The following STRN variants were observed in gnomAD, a reference collection of about 807,000 sequenced individuals.
STRN encodes striatin.
In STRN, 53 loss-of-function variants were observed where a neutral mutation model predicts 96.3. The ratio of observed to expected loss-of-function variants is 0.55; its 90% CI spans 0.44 to 0.69. The LOEUF is 0.69. Ranked by LOEUF, STRN falls within the 30% of genes least tolerant of loss-of-function variation. The pLI is 0.00. For missense variants in STRN, 987 were observed against 963.9 expected (o/e 1.02, Z -0.32); for synonymous variants, 428 against 355.9 (o/e 1.20, Z -2.28).
intron 1 of STRN, among the ~76,000 whole-genome samples, chr2:36,930,604 A>C (rs1285289002): frequency 3.3e-5 from 5 of 152,122 alleles, no homozygotes; most frequent in Non-Finnish European, 7.3e-5. Context: ...CCAGGTGATA[A>C]TGCTGCTGAT....
intron 1 of STRN, among the ~76,000 whole-genome samples, chr2:36,948,711 G>T (rs935651270): frequency 6.6e-6 from 1 of 152,050 alleles, no homozygotes; most frequent in Non-Finnish European, 1.5e-5. Context: ...TTTATAAGAA[G>T]CAAGTAAAAA....
rs772034121 is a variant in STRN at position 36,840,989 on chromosome 2, T to C, written c.*8467A>G. 2.0e-5 allele frequency: 3 copies of C among 152,174 alleles called. No individual in the cohort carries two copies. The highest frequency in any genetic ancestry group is 1.9e-4 in the East Asian group (1 of 5,190). The allele number at this position is 152,174 out of a possible 1,614,324, so 9.4% of individuals were successfully genotyped here. A position where few individuals can be genotyped will look rare whatever the true frequency, so the allele number is the denominator to read the frequency against. On this transcript the variant is annotated 3_prime_UTR_variant, in exon 18 of 18. Transcript: ENST00000263918. The stretch of plus-strand genomic sequence containing the variant: ...TGTATTTATTAGCAGAGGCAAGCTA[T>C]ACTATCAATTGGACACCTCAAGGGC...
At chr2:36,898,783 G>A (rs1380692599) in intron 6 of STRN, among the ~76,000 whole-genome samples, 1 of 152,098 alleles carries the variant, frequency 6.6e-6, no homozygotes, top group Admixed American at 6.5e-5. Context: ...ATAAATTAAT[G>A]TGAAAGAGAA....
chr2:36,893,908 T>G lies in STRN; in HGVS notation c.921A>C (p.Gly307=). 6.2e-7 allele frequency: 1 copy of G among 1,611,574 alleles called. No individual in the cohort carries two copies. The highest frequency in any genetic ancestry group is 8.5e-7 in the Non-Finnish European group (1 of 1,179,246). The change falls in exon 7 of 18, where the codon GGA becomes GGC. Residue 307 remains glycine, a synonymous_variant. Coordinates refer to ENST00000263918, the MANE Select transcript of STRN (RefSeq NM_003162.4). ...AGTATGCTTCCTTACCCCAGTCTGT[T>G]CCATCGCCTGCACTTCTAGATTCAT... The part of the protein sequence containing the change: ...GDNESRSAGD[G]TDWEKEDQCL...
chr2:36,897,281 A>G (rs1382228487), intron 6 of STRN, among the ~76,000 whole-genome samples: 1 of 152,160 alleles, frequency 6.6e-6, no homozygotes, highest in Non-Finnish European at 1.5e-5. Context: ...ATGCTTATTC[A>G]CTGCTACACA....
chr2:36,889,685 A>ACTC (rs1301289350), intron 7 of STRN, among the ~76,000 whole-genome samples: 1 of 152,022 alleles, frequency 6.6e-6, no homozygotes, highest in Non-Finnish European at 1.5e-5. Flanking sequence ...TTAAATGTTC[A>ACTC]CTCAATTAGA....
intron 5 of STRN, among the ~76,000 whole-genome samples, chr2:36,900,277 C>G (rs1042079363): frequency 1.3e-5 from 2 of 152,102 alleles, no homozygotes; most frequent in Non-Finnish European, 2.9e-5. Context: ...TAATGTATTT[C>G]ATTTTAAAAA....
At chr2:36,866,393 G>A (rs1256257394) in intron 12 of STRN, among the ~76,000 whole-genome samples, 3 of 152,182 alleles carry the variant, frequency 2.0e-5, no homozygotes, top group Non-Finnish European at 4.4e-5. Context: ...ACTGTGTTTG[G>A]TCTGAGAGTG....
At chr2:36,865,112 G>A (rs992128338) in intron 12 of STRN, among the ~76,000 whole-genome samples, 1 of 152,190 alleles carries the variant, frequency 6.6e-6, no homozygotes, top group Admixed American at 6.5e-5. Context: ...CTCAACCTGG[G>A]CTTTTTCTTG....
intron 2 of STRN, among the ~76,000 whole-genome samples, chr2:36,919,199 G>C (rs1421352500): frequency 6.6e-6 from 1 of 152,186 alleles, no homozygotes; most frequent in Non-Finnish European, 1.5e-5. Context: ...CCTACAGCTT[G>C]TAGTTAGGTA....
At chr2:36,859,678 T>C (rs563045637) in intron 13 of STRN, among the ~76,000 whole-genome samples, 29 of 152,318 alleles carry the variant, frequency 1.9e-4, no homozygotes, top group Non-Finnish European at 4.0e-4. Context: ...TCTGGGTCTT[T>C]ATAAATGTCA....
Position 36,966,520 on chromosome 2 carries a change from G to A in STRN, c.-57C>T, listed in dbSNP as rs1287712759. Reference sequence around the variant, plus strand: ...GCGCCCAGCAGCGGAGGCAACAGCGGCGGCAAGCAGCGCCTCCTCCTCCCT... The same window carrying A: ...GCGCCCAGCAGCGGAGGCAACAGCGACGGCAAGCAGCGCCTCCTCCTCCCT... On this transcript the variant is annotated 5_prime_UTR_variant, in exon 1 of 18. Coordinates refer to ENST00000263918, the MANE Select transcript of STRN (RefSeq NM_003162.4). 1.5e-5 allele frequency: 21 copies of A among 1,359,734 alleles called. No individual in the cohort carries two copies. The highest frequency in any genetic ancestry group is 5.7e-6 in the Non-Finnish European group (6 of 1,059,240). 84.2% of individuals were successfully genotyped at this position (1,359,734 alleles called of 1,614,324 possible).
chr2:36,932,226 C>G (rs998618880), intron 1 of STRN, among the ~76,000 whole-genome samples: 17 of 152,114 alleles, frequency 1.1e-4, no homozygotes, highest in Non-Finnish European at 2.2e-4. Flanking sequence ...GTGATCTCGG[C>G]TCACTGCAAC....
intron 16 of STRN, among the ~76,000 whole-genome samples, chr2:36,850,074 C>A (rs1192099669): frequency 1.3e-5 from 2 of 152,154 alleles, no homozygotes; most frequent in Non-Finnish European, 2.9e-5. Context: ...CCTTAAGCCA[C>A]GTTTGTTAAT....
At position 36,848,324 on chromosome 2, in the gene STRN, AC is replaced by A. The variant is rs1668132208; in HGVS notation, c.*1131del. 6.6e-6 allele frequency: 1 copy of A among 152,200 alleles called. No homozygotes were observed. Among genetic ancestry groups the A allele is most frequent in the African/African-American group, 2.4e-5 (1 of 41,460 alleles). The allele number at this position is 152,200 out of a possible 1,614,324, so 9.4% of individuals were successfully genotyped here. A position where few individuals can be genotyped will look rare whatever the true frequency, so the allele number is the denominator to read the frequency against. ...AGATTCTTACAGGGATTAATAGAGGACTTCTAGGGTACAAAATATTTGTTTT... is the reference window on the plus strand; with the variant it reads ...AGATTCTTACAGGGATTAATAGAGGATTCTAGGGTACAAAATATTTGTTTT... On this transcript the variant is annotated 3_prime_UTR_variant, in exon 18 of 18. Transcript: ENST00000263918.
intron 1 of STRN, among the ~76,000 whole-genome samples, chr2:36,929,314 T>G (rs1670506197): frequency 6.6e-6 from 1 of 152,246 alleles, no homozygotes; most frequent in South Asian, 2.1e-4. Context: ...CAGGTTTATC[T>G]GCATACATAA....
chr2:36,902,678 A>C lies in STRN; in HGVS notation c.565T>G (p.Phe189Val). The change falls in exon 5 of 18, where the codon TTT becomes GTT. Residue 189 changes from phenylalanine (F) to valine (V), a missense_variant. Physicochemically the swap from Phe to Val is conservative, Grantham distance 50. Coordinates refer to ENST00000263918, the MANE Select transcript of STRN (RefSeq NM_003162.4). ...KSKRVRALLG[F>V]SSDVTDREDD... ...TCCCTGTCCGTGACATCACTTGAAA[A>C]GCCCAACAAAGCTCGCACTCGTTTA... 1 of 1,612,218 alleles carries C rather than the reference A, an allele frequency of 6.2e-7. No individual in the cohort carries two copies. Among genetic ancestry groups the C allele is most frequent in the Non-Finnish European group, 8.5e-7 (1 of 1,178,686 alleles).
intron 1 of STRN, among the ~76,000 whole-genome samples, chr2:36,951,437 A>G (rs1267979484): frequency 6.6e-6 from 1 of 152,244 alleles, no homozygotes; most frequent in East Asian, 1.9e-4. Flanking sequence ...TGGAAGTTGT[A>G]AGGCAGAACT....
chr2:36,852,413 C>T (rs1169746234), intron 15 of STRN, among the ~76,000 whole-genome samples: 1 of 152,084 alleles, frequency 6.6e-6, no homozygotes, highest in Non-Finnish European at 1.5e-5. Context: ...AGTATTGTGT[C>T]AATGTTAAGT....
Sources: allele counts gnomAD v4.1 joint callset (sites outside exome capture counted in the v4.1 genomes callset), GRCh38; gene constraint gnomAD v4.1.1; transcripts MANE v1.5; gene names NCBI Gene and HGNC (gene_info 2026-07-23, HGNC 2026-07-21).